The following SGCZ variants were observed in gnomAD, a reference collection of about 807,000 sequenced individuals.
SGCZ encodes the protein zeta-sarcoglycan.
Under a neutral mutation model 41.3 loss-of-function variants are expected in SGCZ, and 40 were observed. That is an observed-to-expected ratio of 0.97 (90% CI 0.75 to 1.26). SGCZ has a LOEUF of 1.26. Ranked by LOEUF, SGCZ falls within the 50% of genes most tolerant of loss-of-function variation. The probability of loss-of-function intolerance (pLI) is 0.00; values close to 1 mark genes in which losing one functional copy is unlikely to be tolerated. For synonymous variants in SGCZ, 206 were observed against 137.5 expected (o/e 1.50, Z -3.49); for missense variants, 552 against 369.8 (o/e 1.49, Z -4.04).
In SGCZ at chr8:14,832,706, G is replaced by A. The variant is rs193244367; in HGVS notation, c.40-277780C>T. 9.1e-4 allele frequency among the ~76,000 whole-genome samples: 139 copies of A among 152,176 alleles called. 2 individuals are homozygous for A. Among genetic ancestry groups the A allele is most frequent in the African/African-American group, 3.2e-3 (132 of 41,522 alleles). On this transcript the variant is annotated intron_variant, in intron 1 of 7. Transcript: ENST00000382080. The stretch of plus-strand genomic sequence containing the variant: ...GAGTATATGGGTGTGTTGACTTTGG[G>A]AAAATTCATAGAGCTGTATATTTAT...
At chr8:14,158,660 C>A (rs1455893528) in intron 5 of SGCZ, among the ~76,000 whole-genome samples, 1 of 152,184 alleles carries the variant, frequency 6.6e-6, no homozygotes, top group Admixed American at 6.6e-5. Flanking sequence ...CATGAGAAGT[C>A]CGCATGAGCA....
At chr8:14,846,701 TCCAAAAA>T (rs1443498628) in intron 1 of SGCZ, among the ~76,000 whole-genome samples, 1,319 of 102,026 alleles carry the variant, frequency 0.013, 19 homozygotes, top group African/African-American at 0.035. Context: ...ACCCTTTAAA[TCCAAAAA>T]AAAAAAAAAA....
At chr8:14,333,977 G>C (rs909051993) in intron 2 of SGCZ, among the ~76,000 whole-genome samples, 2 of 152,076 alleles carry the variant, frequency 1.3e-5, no homozygotes, top group African/African-American at 4.8e-5. Context: ...AACATGGCTA[G>C]AAATGTGATC....
intron 2 of SGCZ, among the ~76,000 whole-genome samples, chr8:14,478,732 C>A (rs572087964): frequency 2.2e-4 from 33 of 152,222 alleles, no homozygotes; most frequent in East Asian, 9.7e-4. Context: ...ATATTTCCCC[C>A]AAAAAATTAA....
intron 1 of SGCZ, among the ~76,000 whole-genome samples, chr8:15,074,524 C>G (rs1004293112): frequency 6.6e-6 from 1 of 152,114 alleles, no homozygotes; most frequent in Non-Finnish European, 1.5e-5. Flanking sequence ...AAATTTATTT[C>G]CACATTCCCG....
At chr8:14,331,958 T>C (rs1040517516) in intron 2 of SGCZ, among the ~76,000 whole-genome samples, 1 of 151,800 alleles carries the variant, frequency 6.6e-6, no homozygotes, top group Non-Finnish European at 1.5e-5. Flanking sequence ...CACACATATA[T>C]AATACATTTA....
intron 1 of SGCZ, among the ~76,000 whole-genome samples, chr8:15,010,677 G>T (rs902208599): frequency 2.0e-5 from 3 of 152,166 alleles, no homozygotes; most frequent in African/African-American, 7.2e-5. Flanking sequence ...CAGGAAGCCA[G>T]ATGAAGAAAG....
At chr8:15,213,995 C>T (rs1302273749) in intron 1 of SGCZ, among the ~76,000 whole-genome samples, 1 of 151,760 alleles carries the variant, frequency 6.6e-6, no homozygotes, top group Non-Finnish European at 1.5e-5. Flanking sequence ...TTAAACTTGC[C>T]TAAGTTATTA....
At chr8:14,454,454 G>A (rs897702759) in intron 2 of SGCZ, among the ~76,000 whole-genome samples, 9 of 152,122 alleles carry the variant, frequency 5.9e-5, no homozygotes, top group East Asian at 3.9e-4. Flanking sequence ...CTTCTCATCC[G>A]TTAGATAAAT....
chr8:15,150,066 A>G (rs867566487), intron 1 of SGCZ, among the ~76,000 whole-genome samples: 27 of 136,638 alleles, frequency 2.0e-4, no homozygotes, highest in African/African-American at 6.6e-4. Context: ...AATATTCATT[A>G]TGAAAAAGTC....
At chr8:14,313,878 G>T (rs922081637) in intron 3 of SGCZ, among the ~76,000 whole-genome samples, 4 of 151,200 alleles carry the variant, frequency 2.6e-5, no homozygotes, top group Admixed American at 1.3e-4. Context: ...CTTTCTTGGG[G>T]AAAGACAAAA....
chr8:14,924,070 T>G (rs1799670843), intron 1 of SGCZ, among the ~76,000 whole-genome samples: 2 of 152,212 alleles, frequency 1.3e-5, no homozygotes, highest in South Asian at 4.1e-4. Flanking sequence ...ATGGTTGTGA[T>G]GAAGGCAGTA....
At chr8:14,444,946 G>A (rs1041377677) in intron 2 of SGCZ, among the ~76,000 whole-genome samples, 6 of 152,058 alleles carry the variant, frequency 3.9e-5, no homozygotes, top group African/African-American at 1.4e-4. Flanking sequence ...ATTTCCTTCT[G>A]GCCTCTTTGT....
intron 2 of SGCZ, among the ~76,000 whole-genome samples, chr8:14,378,306 T>C (rs1437787110): frequency 1.3e-5 from 2 of 152,106 alleles, no homozygotes; most frequent in Non-Finnish European, 2.9e-5. Flanking sequence ...TTTCATGTGT[T>C]TTTTGGCTGC....
At chr8:14,324,580 T>C (rs574588125) in intron 2 of SGCZ, among the ~76,000 whole-genome samples, 4 of 152,270 alleles carry the variant, frequency 2.6e-5, no homozygotes, top group South Asian at 4.1e-4. Flanking sequence ...GTAATATTTT[T>C]ACATTACAGT....
chr8:14,993,770 G>C (rs1334812476), intron 1 of SGCZ, among the ~76,000 whole-genome samples: 1 of 152,172 alleles, frequency 6.6e-6, no homozygotes, highest in Admixed American at 6.5e-5. Context: ...AAGAATAATA[G>C]GGACAAGGTC....
intron 1 of SGCZ, among the ~76,000 whole-genome samples, chr8:15,144,555 G>C (rs983677317): frequency 2.6e-5 from 4 of 151,742 alleles, no homozygotes; most frequent in African/African-American, 7.3e-5. Flanking sequence ...ACCACCTCCC[G>C]GGTTCAAGCG....
intron 1 of SGCZ, among the ~76,000 whole-genome samples, chr8:14,725,737 G>C (rs1428083125): frequency 6.6e-6 from 1 of 152,064 alleles, no homozygotes; most frequent in African/African-American, 2.4e-5. Context: ...TGTTTTCTGA[G>C]TAGTTACTGA....
chr8:14,171,247 GT>G (rs1419134054), intron 4 of SGCZ, among the ~76,000 whole-genome samples: 7 of 148,098 alleles, frequency 4.7e-5, no homozygotes, highest in African/African-American at 1.7e-4. Flanking sequence ...TATCAGGGTA[GT>G]TTTGCATAAG....
Sources: gnomAD v4.1 joint callset for allele counts (sites outside exome capture counted in the v4.1 genomes callset) on GRCh38, gnomAD v4.1.1 for gene constraint, MANE v1.5 for transcripts, NCBI Gene and HGNC (gene_info 2026-07-23, HGNC 2026-07-21) for gene names.